Variants in SLC22A14 observed in about 807,000 individuals in gnomAD.
The protein encoded by SLC22A14 is organic cation transporter-like 4.
A neutral mutation model predicts 53.9 loss-of-function variants in SLC22A14; 50 were observed. The ratio of observed to expected loss-of-function variants is 0.93; its 90% CI spans 0.74 to 1.17. The LOEUF is 1.17. SLC22A14 is among the 50% of genes most tolerant of loss of function. SLC22A14 has a pLI of 0.00. For missense variants in SLC22A14, 671 were observed against 734.7 expected, an observed-to-expected ratio of 0.91 and a Z score of 1.00; for synonymous variants, 312 against 303.0, an observed-to-expected ratio of 1.03 and a Z score of -0.31.
rs1704312460 is a variant in SLC22A14 at position 38,306,543 on chromosome 3, G to T, written c.516+1G>T. 6.2e-7 allele frequency: 1 copy of T among 1,608,042 alleles called. No homozygotes were observed. Among genetic ancestry groups the T allele is most frequent in the East Asian group, 2.2e-5 (1 of 44,850 alleles). On this transcript the variant is annotated splice_donor_variant, in intron 2 of 10. Coordinates refer to ENST00000448498, the MANE Select transcript of SLC22A14 (RefSeq NM_001320033.2). LOFTEE classifies it high-confidence loss of function. ...TAAGAAGCGATCGCTGATCAATGAGGTATGTCTTGTCATGGGTTGTCTGTA... is the reference window on the plus strand; with the variant it reads ...TAAGAAGCGATCGCTGATCAATGAGTTATGTCTTGTCATGGGTTGTCTGTA...
chr3:38,301,628 CTCTT>C (rs1704160928), intron 1 of SLC22A14, among the ~76,000 whole-genome samples: 1 of 151,958 alleles, frequency 6.6e-6, no homozygotes, highest in Admixed American at 6.6e-5. Context: ...TCTTTAATTT[CTCTT>C]TCTTATCTCA....
intron 5 of SLC22A14, among the ~76,000 whole-genome samples, chr3:38,310,707 A>G (rs181894342): frequency 6.6e-6 from 1 of 151,518 alleles, no homozygotes; most frequent in East Asian, 1.9e-4. Context: ...TCTGTTTGTG[A>G]CCTCCCTCAG....
In SLC22A14 at chr3:38,313,457, A is replaced by G; in HGVS notation, c.1135A>G (p.Lys379Glu). The G allele has an allele frequency of 1.9e-6, 3 of 1,613,538 alleles. No homozygotes were observed. The highest frequency in any genetic ancestry group is 2.5e-6 in the Non-Finnish European group (3 of 1,179,460). ...CTTCTGTAAGAATAGGCAGCTCTGC[A>G]AGGTGACCTTGGTGATGAGCTGTGT... The part of the protein sequence containing the change: ...LDFCKNRQLC[K>E]VTLVMSCVWF... Residue 379 changes from lysine (K) to glutamate (E), a missense_variant, in exon 7 of 11, where the codon AAG becomes GAG. By Grantham distance (56) the Lys-to-Glu change is moderately conservative. Coordinates refer to ENST00000448498, the MANE Select transcript of SLC22A14 (RefSeq NM_001320033.2).
At chr3:38,288,420 T>G (rs1305975817) in intron 1 of SLC22A14, among the ~76,000 whole-genome samples, 1 of 152,224 alleles carries the variant, frequency 6.6e-6, no homozygotes, top group Non-Finnish European at 1.5e-5. Flanking sequence ...TTTGAGCTCC[T>G]GCTTTCAATT....
Position 38,313,003 on chromosome 3 carries a change from C to T in SLC22A14, c.949C>T (p.Leu317Phe), listed in dbSNP as rs755569938. ...AGAGAGGGGCTGGCCACGCAGGATT[C>T]TCCCGGAGTCCCCGCGGTGGCTGAT... The part of the protein sequence containing the change: ...VIPFISYIWI[L>F]PESPRWLMMK... The change falls in exon 6 of 11, where the codon CTC (leucine) becomes TTC (phenylalanine). Residue 317 changes from leucine (L) to phenylalanine (F), a missense_variant. Transcript: ENST00000448498. 6.3e-7 allele frequency: 1 copy of T among 1,579,232 alleles called. No individual in the cohort carries two copies. The highest frequency in any genetic ancestry group is 1.2e-5 in the South Asian group (1 of 86,126).
chr3:38,287,319 G>A (rs1452622111), intron 1 of SLC22A14, among the ~76,000 whole-genome samples: 2 of 152,162 alleles, frequency 1.3e-5, no homozygotes, highest in South Asian at 2.1e-4. Context: ...TTAAAATTTT[G>A]TGGTTAGCAC....
At chr3:38,310,977 A>G (rs148732611) in intron 5 of SLC22A14, among the ~76,000 whole-genome samples, 36 of 152,224 alleles carry the variant, frequency 2.4e-4, no homozygotes, top group African/African-American at 8.4e-4. Flanking sequence ...AATCTCTCTC[A>G]CTGTCTGGAA....
chr3:38,315,540 C>A lies in SLC22A14; in HGVS notation c.1379-18C>A. The A allele has an allele frequency of 6.2e-7, 1 of 1,609,440 alleles. No homozygotes were observed. The highest frequency in any genetic ancestry group is 8.5e-7 in the Non-Finnish European group (1 of 1,177,336). On this transcript the variant is annotated intron_variant, in intron 8 of 10. Coordinates refer to ENST00000448498, the MANE Select transcript of SLC22A14 (RefSeq NM_001320033.2). ...GTCAAGGGAGGGCTGATGAGTGGAACTCCTTCACCCACCCCAGGGGAGGAT... is the reference window on the plus strand; with the variant it reads ...GTCAAGGGAGGGCTGATGAGTGGAAATCCTTCACCCACCCCAGGGGAGGAT...
At chr3:38,313,210 A>G in intron 6 of SLC22A14, 91 bp downstream of exon 6, 3 of 1,551,228 alleles carry the variant, frequency 1.9e-6, no homozygotes, top group Non-Finnish European at 2.6e-6. Context: ...ACATTGGTCC[A>G]GAGGGTGCCC....
At chr3:38,315,740 TGGG>T in intron 9 of SLC22A14, 29 bp downstream of exon 9, 1 of 1,603,276 alleles carries the variant, frequency 6.2e-7, no homozygotes, top group Non-Finnish European at 8.5e-7. Context: ...GAGGGGGCCA[TGGG>T]GACATGCGCA....
intron 6 of SLC22A14, 29 bp downstream of exon 6, chr3:38,313,148 C>T (rs1398473174): frequency 8.1e-6 from 13 of 1,608,018 alleles, no homozygotes; most frequent in East Asian, 4.5e-5. Context: ...GGAGTGGGGC[C>T]GGAGCAGTGG....
chr3:38,304,730 G>A (rs910332568), intron 1 of SLC22A14, among the ~76,000 whole-genome samples: 1 of 152,164 alleles, frequency 6.6e-6, no homozygotes, highest in Non-Finnish European at 1.5e-5. Flanking sequence ...TCTTTTCTTT[G>A]TCATTGGTGT....
intron 1 of SLC22A14, among the ~76,000 whole-genome samples, chr3:38,302,260 A>G (rs1320986878): frequency 6.8e-6 from 1 of 147,004 alleles, no homozygotes; most frequent in Non-Finnish European, 1.5e-5. Context: ...ATATATATAC[A>G]TATATATATT....
chr3:38,307,930 A>G lies in SLC22A14; in HGVS notation c.775+210A>G. On this transcript the variant is annotated intron_variant, in intron 4 of 10. Coordinates refer to ENST00000448498, the MANE Select transcript of SLC22A14 (RefSeq NM_001320033.2). This position sits in a 1 kb window ranked among gnomAD's most constrained non-coding sequence, Gnocchi z 4.4. ...CACAGAGTCAGGGGCCTAATTGGAC[A>G]GGCAGAAGTGGAAGGGATCTCCGTT... The G allele has an allele frequency of 1.7e-6, 1 of 588,960 alleles. No homozygotes were observed. The highest frequency in any genetic ancestry group is 3.0e-6 in the Non-Finnish European group (1 of 331,864). The allele number at this position is 588,960 out of a possible 1,614,324, so 36.5% of individuals were successfully genotyped here. A position where few individuals can be genotyped will look rare whatever the true frequency, so the allele number is the denominator to read the frequency against.
chr3:38,296,388 CT>C (rs200547834), intron 1 of SLC22A14, among the ~76,000 whole-genome samples: 9,767 of 151,372 alleles, frequency 0.065, 373 homozygotes, highest in East Asian at 0.16. Flanking sequence ...AGCCTCACAC[CT>C]TGAGTCTTAA....
In SLC22A14 at chr3:38,307,765, A is replaced by G; in HGVS notation, c.775+45A>G. 12 of 1,605,838 alleles carry G rather than the reference A, an allele frequency of 7.5e-6. No individual in the cohort carries two copies. The highest frequency in any genetic ancestry group is 1.0e-5 in the Non-Finnish European group (12 of 1,174,638). The stretch of plus-strand genomic sequence containing the variant: ...GGGCAGGGCAGGGTGGCACAGGGGC[A>G]TGGCGGCATAGGCGGGTGACAAGGG... On this transcript the variant is annotated intron_variant, in intron 4 of 10. Coordinates refer to ENST00000448498, the MANE Select transcript of SLC22A14 (RefSeq NM_001320033.2). This position sits in a 1 kb window ranked among gnomAD's most constrained non-coding sequence, Gnocchi z 4.4.
At chr3:38,282,071 G>C (rs1253933247), upstream of SLC22A14, among the ~76,000 whole-genome samples, 1 of 152,218 alleles carries the variant, frequency 6.6e-6, no homozygotes, top group Non-Finnish European at 1.5e-5. Context: ...GGAAGGACAG[G>C]AGAATTTCCG....
intron 1 of SLC22A14, among the ~76,000 whole-genome samples, chr3:38,286,385 C>T (rs1049547900): frequency 6.6e-6 from 1 of 151,960 alleles, no homozygotes; most frequent in Non-Finnish European, 1.5e-5. Flanking sequence ...TCGTAAAATA[C>T]CTGTTCAGGT....
Position 38,307,399 on chromosome 3 carries a change from ACTC to A in SLC22A14, c.620+49_620+51del, listed in dbSNP as rs1559551301. 2 of 1,551,198 alleles carry A rather than the reference ACTC, an allele frequency of 1.3e-6. No individual in the cohort carries two copies. Among genetic ancestry groups the A allele is most frequent in the South Asian group, 2.2e-5 (2 of 89,808 alleles). ...TTCTGCTGGTCCCCGAGCCATCCCA[ACTC>A]CTCCTCATGGGCATTCAGGGTTGGA... On this transcript the variant is annotated intron_variant, in intron 3 of 10. Coordinates refer to ENST00000448498, the MANE Select transcript of SLC22A14 (RefSeq NM_001320033.2). The surrounding 1 kb of genome is among the most constrained non-coding windows in gnomAD (Gnocchi z 4.4).
Sources: allele counts gnomAD v4.1 joint callset (sites outside exome capture counted in the v4.1 genomes callset), GRCh38; gene constraint gnomAD v4.1.1; non-coding constraint Gnocchi (gnomAD v3.1); transcripts MANE v1.5; gene names NCBI Gene and HGNC (gene_info 2026-07-23, HGNC 2026-07-21).